The following PITX3 variants were observed in gnomAD, a reference collection of about 807,000 sequenced individuals.
PITX3 encodes paired like homeodomain 3.
A neutral mutation model predicts 14.2 loss-of-function variants in PITX3; 4 were observed. The ratio of observed to expected loss-of-function variants is 0.28; its 90% CI spans 0.14 to 0.65. The LOEUF (loss-of-function observed/expected upper bound fraction) is 0.65, where lower values mean the gene tolerates loss of function less well. Ranked by LOEUF, PITX3 falls within the 30% of genes least tolerant of loss-of-function variation. The pLI, the probability that PITX3 is intolerant of heterozygous loss-of-function variation, is 0.82. For synonymous variants in PITX3, 194 were observed against 204.5 expected (o/e 0.95, Z 0.44); for missense variants, 358 against 426.8 (o/e 0.84, Z 1.42).
Position 102,230,729 on chromosome 10 carries a change from A to G in PITX3, c.694T>C (p.Ser232Pro), listed in dbSNP as rs749206227. 6.6e-7 allele frequency: 1 copy of G among 1,511,588 alleles called. No homozygotes were observed. The highest frequency in any genetic ancestry group is 8.8e-7 in the Non-Finnish European group (1 of 1,132,100). 93.6% of individuals were successfully genotyped at this position (1,511,588 alleles called of 1,614,324 possible). ...PPGLAPAAVS[S>P]GAVSCPYASA... Reference sequence around the variant, plus strand: ...GCATAAGGGCAGGACACGGCCCCGGAGGACACGGCGGCCGGAGCCAGCCCG... The same window carrying G: ...GCATAAGGGCAGGACACGGCCCCGGGGGACACGGCGGCCGGAGCCAGCCCG... Residue 232 changes from serine to proline, a missense_variant, in exon 4 of 4, where the codon TCC becomes CCC. By Grantham distance (74) the Ser-to-Pro change is moderately conservative (BLOSUM62 -1). Around this residue, in one of 3 missense-constraint regions of PITX3, gnomAD observed 236 missense variants for 250.2 expected, o/e 0.94. Coordinates refer to ENST00000370002, the MANE Select transcript of PITX3 (RefSeq NM_005029.4).
chr10:102,230,310 T>A lies in PITX3; in HGVS notation c.*204A>T. 1.5e-6 allele frequency: 1 copy of A among 677,218 alleles called. No individual in the cohort carries two copies. Among genetic ancestry groups the A allele is most frequent in the Non-Finnish European group, 2.3e-6 (1 of 440,266 alleles). 42.0% of individuals were successfully genotyped at this position (677,218 alleles called of 1,614,324 possible). A position where few individuals can be genotyped will look rare whatever the true frequency, so the allele number is the denominator to read the frequency against. Reference sequence around the variant, plus strand: ...AGCTGGTCCCTGTTCCTGGCTTTAGTCCCAGGGGCGCGGTCTGTGTGTAGG... The same window carrying A: ...AGCTGGTCCCTGTTCCTGGCTTTAGACCCAGGGGCGCGGTCTGTGTGTAGG... On this transcript the variant is annotated 3_prime_UTR_variant, in exon 4 of 4. Transcript: ENST00000370002.
In PITX3 at chr10:102,231,987, C is replaced by A; in HGVS notation, c.94G>T (p.Gly32Cys). Residue 32 changes from glycine (G) to cysteine (C), a missense_variant, in exon 2 of 4, where the codon GGC becomes TGC. Gly to Cys is a radical substitution (Grantham distance 159). Around this residue, in one of 3 missense-constraint regions of PITX3, gnomAD observed 72 missense variants for 79.9 expected, o/e 0.90. Transcript: ENST00000370002. ...CCGCTGTGCTCCTGGCCCTTGCAGC[C>A]GTGCTCTGGGAGCTGGGGGTGCGGA... is the stretch of plus-strand genomic sequence containing the variant. ...GTPHPQLPEH[G>C]CKGQEHSDSE... 2 of 1,610,718 alleles carry A rather than the reference C, an allele frequency of 1.2e-6. No homozygotes were observed. The highest frequency in any genetic ancestry group is 1.7e-6 in the Non-Finnish European group (2 of 1,179,462).
At chr10:102,239,650 G>A (rs1175619580) in intron 1 of PITX3, among the ~76,000 whole-genome samples, 1 of 152,236 alleles carries the variant, frequency 6.6e-6, no homozygotes, top group East Asian at 1.9e-4. Context: ...AAGAAAGGTT[G>A]AAACCACTGT....
At chr10:102,232,956 C>T (rs746129868) in intron 1 of PITX3, among the ~76,000 whole-genome samples, 1 of 152,164 alleles carries the variant, frequency 6.6e-6, no homozygotes, top group Non-Finnish European at 1.5e-5. Context: ...ACAAGAATAC[C>T]TCAAGTATGA....
chr10:102,230,760 G>C lies in PITX3; in HGVS notation c.663C>G (p.Gly221=), dbSNP rs1253096992. The change falls in exon 4 of 4, where the codon GGC becomes GGG. Residue 221 remains glycine, a synonymous_variant. Coordinates refer to ENST00000370002, the MANE Select transcript of PITX3 (RefSeq NM_005029.4). Reference sequence around the variant, plus strand: ...CGGCGGCCGGAGCCAGCCCGGGGGGGCCCCCGCCCAGGCCCTGCAGGGCCC... The same window carrying C: ...CGGCGGCCGGAGCCAGCCCGGGGGGCCCCCCGCCCAGGCCCTGCAGGGCCC... ...GPGALQGLGG[G]PPGLAPAAVS... is the part of the protein sequence containing the mutation. 6.0e-6 allele frequency: 9 copies of C among 1,492,938 alleles called. No homozygotes were observed. Among genetic ancestry groups the C allele is most frequent in the South Asian group, 2.7e-5 (2 of 75,278 alleles). 92.5% of individuals were successfully genotyped at this position (1,492,938 alleles called of 1,614,324 possible).
At chr10:102,239,704 G>T (rs1241405862) in intron 1 of PITX3, among the ~76,000 whole-genome samples, 2 of 152,214 alleles carry the variant, frequency 1.3e-5, no homozygotes, top group Non-Finnish European at 2.9e-5. Context: ...ACTTGTCCTT[G>T]TGAAAACTCA....
chr10:102,237,618 C>T (rs1173848957), intron 1 of PITX3, among the ~76,000 whole-genome samples: 1 of 152,120 alleles, frequency 6.6e-6, no homozygotes, highest in Non-Finnish European at 1.5e-5. Context: ...TCAAAAACAA[C>T]ATCTACTAGA....
At chr10:102,235,247 G>A (rs1294462113) in intron 1 of PITX3, among the ~76,000 whole-genome samples, 1 of 148,662 alleles carries the variant, frequency 6.7e-6, no homozygotes, top group African/African-American at 2.5e-5. Context: ...GACTCTGTGT[G>A]GGGGAGGAGC....
In PITX3 at chr10:102,230,467, G is replaced by T. The variant is rs1228109407; in HGVS notation, c.*47C>A. On this transcript the variant is annotated 3_prime_UTR_variant, in exon 4 of 4. Coordinates refer to ENST00000370002, the MANE Select transcript of PITX3 (RefSeq NM_005029.4). The stretch of plus-strand genomic sequence containing the variant: ...AAAATGACCCCAGTCCGCGGAGGCT[G>T]TGAATCGTTGCCCCCGCCCTCGGGG... 6.3e-6 allele frequency: 10 copies of T among 1,575,940 alleles called. No homozygotes were observed. The highest frequency in any genetic ancestry group is 8.6e-6 in the Non-Finnish European group (10 of 1,160,996).
rs112017358 is a variant in PITX3 at position 102,233,704 on chromosome 10, A to C, written c.-12-1612T>G. On this transcript the variant is annotated intron_variant, in intron 1 of 3. Coordinates refer to ENST00000370002, the MANE Select transcript of PITX3 (RefSeq NM_005029.4). ...GGGTGCTTGGGCCGGGCCTGGTCTC[A>C]TGCCTGCACCGACACACACTGCATC... 9.1e-3 allele frequency among the ~76,000 whole-genome samples: 1,382 copies of C among 152,306 alleles called. 24 individuals are homozygous for C. Among genetic ancestry groups the C allele is most frequent in the African/African-American group, 0.031 (1,275 of 41,544 alleles).
In PITX3 at chr10:102,231,607, AG is replaced by A; in HGVS notation, c.301del (p.Leu101SerfsTer208). 1 of 1,607,444 alleles carries A rather than the reference AG, an allele frequency of 6.2e-7. No homozygotes were observed. Among genetic ancestry groups the A allele is most frequent in the Non-Finnish European group, 8.5e-7 (1 of 1,176,850 alleles). ...GCATACCCGCACGCGGGCCTCGGTG[AG>A]GTTGGTCCACACGGCGATCTCCTCG... ...TREEIAVWTN[L>X]TEARVRVWFK... is the part of the protein sequence containing the mutation. On this transcript the variant is annotated frameshift_variant, in exon 3 of 4. Transcript: ENST00000370002. LOFTEE classifies it low-confidence loss of function (END_TRUNC).
Position 102,230,798 on chromosome 10 carries a change from C to T in PITX3, c.625G>A (p.Val209Met), listed in dbSNP as rs1287449832. 3.2e-6 allele frequency: 5 copies of T among 1,550,396 alleles called. No individual in the cohort carries two copies. The highest frequency in any genetic ancestry group is 4.4e-6 in the Non-Finnish European group (5 of 1,147,520). The change falls in exon 4 of 4, where the codon GTG becomes ATG. Residue 209 changes from valine (V) to methionine (M), a missense_variant. By Grantham distance (21) the Val-to-Met change is conservative. Coordinates refer to ENST00000370002, the MANE Select transcript of PITX3 (RefSeq NM_005029.4). ...CCCTGCAGGGCCCCAGGCCCTGGCA[C>T]GGTGCCCGGGGCAGCCGCGGCGGAG... ...VPSAAAAPGT[V>M]PGPGALQGLG...
Position 102,230,349 on chromosome 10 carries a change from C to T in PITX3, c.*165G>A, listed in dbSNP as rs1355649557. 1 of 1,116,900 alleles carries T rather than the reference C, an allele frequency of 9.0e-7. No individual in the cohort carries two copies. The highest frequency in any genetic ancestry group is 1.6e-5 in the African/African-American group (1 of 63,574). The allele number at this position is 1,116,900 out of a possible 1,614,324, so 69.2% of individuals were successfully genotyped here. ...TCTGTGTGTAGGGCCTAGTCCACCC[C>T]TCAGGGCTGGGAGGGGAAGGCCCTC... On this transcript the variant is annotated 3_prime_UTR_variant, in exon 4 of 4. Transcript: ENST00000370002.
intron 1 of PITX3, among the ~76,000 whole-genome samples, chr10:102,238,618 A>C (rs1204643460): frequency 6.6e-6 from 1 of 152,204 alleles, no homozygotes; most frequent in Non-Finnish European, 1.5e-5. Context: ...GCTTGGGCAT[A>C]ATAATAGCAG....
At chr10:102,240,525 A>G (rs1023877137) in intron 1 of PITX3, among the ~76,000 whole-genome samples, 3 of 152,242 alleles carry the variant, frequency 2.0e-5, no homozygotes, top group Non-Finnish European at 4.4e-5. Context: ...CACACGCAGC[A>G]GCTGGGCAGG....
chr10:102,236,290 T>A (rs1368440686), intron 1 of PITX3, among the ~76,000 whole-genome samples: 2 of 152,088 alleles, frequency 1.3e-5, no homozygotes, highest in East Asian at 1.9e-4. Flanking sequence ...AAGCAGTAGG[T>A]CTGGAAGCCG....
chr10:102,233,883 C>T (rs936717596), intron 1 of PITX3, among the ~76,000 whole-genome samples: 1 of 152,178 alleles, frequency 6.6e-6, no homozygotes, highest in Non-Finnish European at 1.5e-5. Context: ...CTCCAAGTTT[C>T]CCCCGCAGGG....
At position 102,231,673 on chromosome 10, in the gene PITX3, G is replaced by T. The variant is rs762524141; in HGVS notation, c.236C>A (p.Ala79Glu). 6.2e-7 allele frequency: 1 copy of T among 1,612,152 alleles called. No individual in the cohort carries two copies. ...FTSQQLQELE[A>E]TFQRNRYPDM... ...GGGGTAGCGGTTCCTCTGGAAGGTC[G>T]CCTCTAGCTCCTGTAGCTGCTGGCT... The change falls in exon 3 of 4, where the codon GCG becomes GAG. Residue 79 changes from alanine to glutamate, a missense_variant. Ala to Glu is a moderately radical substitution (Grantham distance 107). Transcript: ENST00000370002.
intron 1 of PITX3, among the ~76,000 whole-genome samples, chr10:102,239,244 G>C (rs1340909818): frequency 6.6e-6 from 1 of 152,198 alleles, no homozygotes; most frequent in Admixed American, 6.5e-5. Context: ...CAGTTACAAG[G>C]CTTTATGCAA....
Sources: gnomAD v4.1 joint callset for allele counts (sites outside exome capture counted in the v4.1 genomes callset) on GRCh38, gnomAD v4.1.1 for gene constraint, gnomAD v4.1.1 regional missense constraint, MANE v1.5 for transcripts, NCBI Gene and HGNC (gene_info 2026-07-23, HGNC 2026-07-21) for gene names.